Variants in GLG1 observed in about 807,000 individuals in gnomAD.
GLG1 encodes Golgi apparatus protein 1.
A neutral mutation model predicts 160.5 loss-of-function variants in GLG1; 38 were observed. That is an observed-to-expected ratio of 0.24 (90% CI 0.18 to 0.31). The LOEUF is 0.31. GLG1 is among the 10% of genes least tolerant of loss of function. GLG1 has a pLI of 1.00. For synonymous variants in GLG1, 644 were observed against 543.4 expected, an observed-to-expected ratio of 1.19 and a Z score of -2.57; for missense variants, 1,373 against 1,505.2, an observed-to-expected ratio of 0.91 and a Z score of 1.45.
intron 1 of GLG1, among the ~76,000 whole-genome samples, chr16:74,548,499 T>G (rs1450563510): frequency 6.6e-6 from 1 of 152,196 alleles, no homozygotes; most frequent in African/African-American, 2.4e-5. Flanking sequence ...TTCTAGGCAT[T>G]CACTGGCATT....
intron 1 of GLG1, among the ~76,000 whole-genome samples, chr16:74,554,147 C>T (rs2018284886): frequency 6.6e-6 from 1 of 151,766 alleles, no homozygotes; most frequent in South Asian, 2.1e-4. Flanking sequence ...CAAAATCAGT[C>T]AGGAAAAAAA....
chr16:74,525,486 G>T (rs972789970), intron 2 of GLG1, among the ~76,000 whole-genome samples: 1 of 150,966 alleles, frequency 6.6e-6, no homozygotes, highest in East Asian at 2.0e-4. Context: ...TAGAGATAGG[G>T]GGTCTCCGTA....
rs1343745693 is a variant in GLG1, at chr16:74,452,177, TGACCCA to T, written c.*984_*989del. The stretch of plus-strand genomic sequence containing the variant: ...AGTCAAACCTCTGGCTCCCACTTCC[TGACCCA>T]CTGCTCCCCACACCCATCTTCAAGG... On this transcript the variant is annotated 3_prime_UTR_variant, in exon 26 of 26. Coordinates refer to ENST00000422840, the MANE Select transcript of GLG1 (RefSeq NM_001145667.2). 3.1e-6 allele frequency: 5 copies of T among 1,601,786 alleles called. No individual in the cohort carries two copies. The highest frequency in any genetic ancestry group is 4.3e-6 in the Non-Finnish European group (5 of 1,173,798).
chr16:74,501,032 A>G (rs2143442817), intron 4 of GLG1, among the ~76,000 whole-genome samples: 1 of 152,348 alleles, frequency 6.6e-6, no homozygotes, highest in East Asian at 1.9e-4. Flanking sequence ...AAAGCCAGTC[A>G]TAGAAGAGTT....
chr16:74,460,079 T>C (rs981216614), intron 22 of GLG1, among the ~76,000 whole-genome samples: 1 of 151,490 alleles, frequency 6.6e-6, no homozygotes, highest in Non-Finnish European at 1.5e-5. Context: ...TGAAGTACAA[T>C]GGCACGATCT....
chr16:74,585,666 C>T (rs977349582), intron 1 of GLG1, among the ~76,000 whole-genome samples: 2 of 144,372 alleles, frequency 1.4e-5, no homozygotes, highest in Non-Finnish European at 3.0e-5. Context: ...CAAGATCACG[C>T]TACTGTACTC....
intron 25 of GLG1, 92 bp downstream of exon 25, chr16:74,456,557 G>A: frequency 5.1e-6 from 4 of 790,918 alleles, no homozygotes; most frequent in South Asian, 1.4e-5. Context: ...CGAGGAGAGT[G>A]GCATGGCCTT....
intron 18 of GLG1, among the ~76,000 whole-genome samples, 155 bp from the exon 19 acceptor site, chr16:74,465,968 G>A (rs1335309714): frequency 6.6e-6 from 1 of 152,134 alleles, no homozygotes; most frequent in African/African-American, 2.4e-5. Flanking sequence ...CAAAGATAAG[G>A]ATTTACAACC....
chr16:74,486,057 G>T, intron 8 of GLG1, 140 bp from the exon 9 acceptor site: 2 of 617,144 alleles, frequency 3.2e-6, no homozygotes, highest in Non-Finnish European at 5.5e-6. Flanking sequence ...CACTAGCCAA[G>T]CTCAAGAGCA....
intron 4 of GLG1, among the ~76,000 whole-genome samples, chr16:74,502,069 G>A (rs1451113189): frequency 2.6e-5 from 4 of 152,172 alleles, no homozygotes; most frequent in African/African-American, 9.7e-5. Flanking sequence ...CTAACACCAT[G>A]TCCCCTTTGT....
At chr16:74,575,242 T>G (rs924380457) in intron 1 of GLG1, among the ~76,000 whole-genome samples, 1 of 151,788 alleles carries the variant, frequency 6.6e-6, no homozygotes, top group South Asian at 2.1e-4. Flanking sequence ...CGAGACTCCA[T>G]CTGAAAAAAA....
intron 1 of GLG1, among the ~76,000 whole-genome samples, chr16:74,556,793 T>G (rs1345265262): frequency 6.7e-6 from 1 of 149,418 alleles, no homozygotes; most frequent in Non-Finnish European, 1.5e-5. Context: ...TAAAATAATA[T>G]TATTATTACA....
At chr16:74,555,799 C>T (rs962975614) in intron 1 of GLG1, among the ~76,000 whole-genome samples, 2 of 149,778 alleles carry the variant, frequency 1.3e-5, no homozygotes, top group African/African-American at 4.9e-5. Context: ...CTAAGTCACA[C>T]AAAGACAATT....
chr16:74,545,621 T>C (rs1440584844), intron 1 of GLG1, among the ~76,000 whole-genome samples: 6 of 152,252 alleles, frequency 3.9e-5, no homozygotes, highest in Non-Finnish European at 7.3e-5. Flanking sequence ...TTTTTGTTTC[T>C]AAGTAAACAT....
rs1254809488 is a variant in GLG1, at chr16:74,450,260, A to T, written c.*2907T>A. 6.6e-6 allele frequency: 1 copy of T among 152,248 alleles called. No homozygotes were observed. Among genetic ancestry groups the T allele is most frequent in the Non-Finnish European group, 1.5e-5 (1 of 68,098 alleles). 9.4% of individuals were successfully genotyped at this position (152,248 alleles called of 1,614,324 possible). On this transcript the variant is annotated 3_prime_UTR_variant, in exon 26 of 26. Coordinates refer to ENST00000422840, the MANE Select transcript of GLG1 (RefSeq NM_001145667.2). ...GTCCATCATCCACTCACATCCACAGAAGGGTCATTGTTTCTTTTCTTGACC... is the reference window on the plus strand; with the variant it reads ...GTCCATCATCCACTCACATCCACAGTAGGGTCATTGTTTCTTTTCTTGACC...
At chr16:74,510,885 G>A (rs947644102) in intron 2 of GLG1, among the ~76,000 whole-genome samples, 3 of 152,154 alleles carry the variant, frequency 2.0e-5, no homozygotes, top group African/African-American at 7.2e-5. Flanking sequence ...AAACTGGGGA[G>A]GGATGGGGAG....
At chr16:74,579,056 G>A (rs535519413) in intron 1 of GLG1, among the ~76,000 whole-genome samples, 6 of 152,250 alleles carry the variant, frequency 3.9e-5, no homozygotes, top group African/African-American at 1.2e-4. Flanking sequence ...TTGCAATAAC[G>A]TACACAAGCT....
At chr16:74,572,428 T>C (rs1567531664) in intron 1 of GLG1, among the ~76,000 whole-genome samples, 2 of 151,162 alleles carry the variant, frequency 1.3e-5, no homozygotes, top group Admixed American at 6.6e-5. Context: ...GGAGAGTCAC[T>C]TGAACTTGGG....
chr16:74,463,253 T>C, intron 20 of GLG1, 103 bp downstream of exon 20: 1 of 1,159,072 alleles, frequency 8.6e-7, no homozygotes, highest in Non-Finnish European at 1.2e-6. Flanking sequence ...CCCTTAAAAT[T>C]CCCAGGCAAC....
Sources: allele counts gnomAD v4.1 joint callset (sites outside exome capture counted in the v4.1 genomes callset), GRCh38; gene constraint gnomAD v4.1.1; transcripts MANE v1.5; gene names NCBI Gene and HGNC (gene_info 2026-07-23, HGNC 2026-07-21).